The following SLC23A2 variants were observed in gnomAD, a reference collection of about 807,000 sequenced individuals.
SLC23A2 encodes solute carrier family 23 member 2.
A neutral mutation model predicts 73.3 loss-of-function variants in SLC23A2; 36 were observed. The observed-to-expected ratio is 0.49, with a 90% CI of 0.38 to 0.65. SLC23A2 has a LOEUF of 0.65. Among genes scored for constraint, SLC23A2 ranks in the 30% least tolerant of loss-of-function variants. The probability of loss-of-function intolerance (pLI) is 0.00; values close to 1 mark genes in which losing one functional copy is unlikely to be tolerated. For missense variants in SLC23A2, 507 were observed against 841.6 expected, an observed-to-expected ratio of 0.60 and a Z score of 4.92; for synonymous variants, 343 against 327.3, an observed-to-expected ratio of 1.05 and a Z score of -0.52.
At chr20:4,906,616 T>G (rs1302765920) in intron 4 of SLC23A2, among the ~76,000 whole-genome samples, 1 of 152,018 alleles carries the variant, frequency 6.6e-6, no homozygotes, top group Non-Finnish European at 1.5e-5. Flanking sequence ...TGACACTCTG[T>G]CTCAAAAAAA....
chr20:4,901,555 G>A (rs1600114887), intron 5 of SLC23A2, among the ~76,000 whole-genome samples: 1 of 152,180 alleles, frequency 6.6e-6, no homozygotes, highest in East Asian at 1.9e-4. Flanking sequence ...GAAGACAGAG[G>A]AGGGAAGTAT....
chr20:4,954,212 T>A (rs1938106319), intron 2 of SLC23A2, among the ~76,000 whole-genome samples: 2 of 152,232 alleles, frequency 1.3e-5, no homozygotes, highest in South Asian at 4.1e-4. Context: ...TATACAAGCA[T>A]AGGCCCCATG....
intron 13 of SLC23A2, among the ~76,000 whole-genome samples, chr20:4,865,977 C>CAAA (rs1171169988): frequency 6.6e-6 from 1 of 151,984 alleles, no homozygotes; most frequent in Non-Finnish European, 1.5e-5. Context: ...GGACTATGGG[C>CAAA]ACCAGCCACC....
At chr20:4,985,319 G>A (rs755480209) in intron 1 of SLC23A2, among the ~76,000 whole-genome samples, 2 of 151,984 alleles carry the variant, frequency 1.3e-5, no homozygotes, top group Non-Finnish European at 2.9e-5. Flanking sequence ...ACTAATTAAT[G>A]GATAAACAAA....
intron 1 of SLC23A2, among the ~76,000 whole-genome samples, chr20:5,000,403 C>A (rs2088098946): frequency 6.6e-6 from 1 of 152,142 alleles, no homozygotes; most frequent in Non-Finnish European, 1.5e-5. Flanking sequence ...TTAGTGACAG[C>A]TCAAACCAGA....
intron 2 of SLC23A2, among the ~76,000 whole-genome samples, chr20:4,953,874 CAGAG>C (rs1448133169): frequency 6.6e-6 from 1 of 152,060 alleles, no homozygotes; most frequent in Non-Finnish European, 1.5e-5. Flanking sequence ...CAGCGACAGA[CAGAG>C]ACTGTCTCAA....
intron 2 of SLC23A2, among the ~76,000 whole-genome samples, chr20:4,933,149 G>A (rs971526372): frequency 2.6e-5 from 4 of 152,168 alleles, no homozygotes; most frequent in African/African-American, 9.7e-5. Flanking sequence ...AATTTTAATT[G>A]TATCTAATTT....
At chr20:4,886,120 C>T (rs1654226611) in intron 6 of SLC23A2, 1 of 498,604 alleles carries the variant, frequency 2.0e-6, no homozygotes, top group South Asian at 2.3e-5. Context: ...CACTCTCCTC[C>T]CACCCAGGCA....
chr20:4,907,053 T>C (rs1931982817), intron 4 of SLC23A2, among the ~76,000 whole-genome samples: 1 of 152,230 alleles, frequency 6.6e-6, no homozygotes, highest in South Asian at 2.1e-4. Flanking sequence ...TGTTAACTAC[T>C]GCTATCCTCC....
intron 1 of SLC23A2, among the ~76,000 whole-genome samples, chr20:4,974,064 G>A (rs977208726): frequency 1.3e-5 from 2 of 152,162 alleles, no homozygotes; most frequent in African/African-American, 2.4e-5. Flanking sequence ...AAAGCAGGAA[G>A]GAGAGAATGC....
rs1057113315 is a variant in SLC23A2, at chr20:4,961,257, A to G, written c.-155+9536T>C. 4.0e-5 allele frequency among the ~76,000 whole-genome samples: 6 copies of G among 151,726 alleles called. No individual in the cohort carries two copies. The East Asian group carries it at 1.2e-3, about 29-fold the overall frequency. On this transcript the variant is annotated intron_variant, in intron 2 of 16. Transcript: ENST00000338244. ...TCACCATGCCCAGCTAATTTTTTGT[A>G]TTTTTAGTAGAGACGGGGTTTCACC...
chr20:4,875,829 G>A (rs1425999450), intron 9 of SLC23A2, among the ~76,000 whole-genome samples: 2 of 152,226 alleles, frequency 1.3e-5, no homozygotes, highest in Non-Finnish European at 2.9e-5. Flanking sequence ...AGGAAGAGTA[G>A]GTTCTCAGTC....
chr20:4,883,768 C>T lies in SLC23A2; in HGVS notation c.698G>A (p.Gly233Asp). The T allele has an allele frequency of 6.2e-7, 1 of 1,613,692 alleles. No individual in the cohort carries two copies. The highest frequency in any genetic ancestry group is 8.5e-7 in the Non-Finnish European group (1 of 1,179,788). Residue 233 changes from glycine to aspartate, a missense_variant, in exon 9 of 17, where the codon GGC becomes GAC. Gly to Asp is a moderately conservative substitution (Grantham distance 94, BLOSUM62 -1). This residue lies in a region of SLC23A2 where 217 missense variants were observed against 398.0 expected (regional missense o/e 0.55). Coordinates refer to ENST00000338244, the MANE Select transcript of SLC23A2 (RefSeq NM_005116.6). The surrounding 1 kb of genome is among the most constrained non-coding windows in gnomAD (Gnocchi z 4.5). The part of the protein sequence containing the change: ...SLIEVVIGLL[G>D]LPGALLKYIG... Reference sequence around the variant, plus strand: ...GTACTTCAGTAGAGCCCCAGGCAGGCCGAGGAGGCCGATGACTACTTCTAT... The same window carrying T: ...GTACTTCAGTAGAGCCCCAGGCAGGTCGAGGAGGCCGATGACTACTTCTAT...
chr20:4,973,423 G>T (rs2087595646), intron 1 of SLC23A2, among the ~76,000 whole-genome samples: 1 of 151,986 alleles, frequency 6.6e-6, no homozygotes, highest in Non-Finnish European at 1.5e-5. Context: ...ACATGTTTTT[G>T]GAGAGTATTT....
chr20:4,936,353 T>C (rs1012225714), intron 2 of SLC23A2, among the ~76,000 whole-genome samples: 8 of 152,252 alleles, frequency 5.3e-5, no homozygotes, highest in Admixed American at 1.3e-4. Context: ...ACATGCCATA[T>C]AGTCACATTC....
intron 15 of SLC23A2, 29 bp downstream of exon 15, chr20:4,861,919 A>C (rs1568600169): frequency 6.2e-7 from 1 of 1,610,016 alleles, no homozygotes; most frequent in Non-Finnish European, 8.5e-7. Flanking sequence ...TCCAGCTCCC[A>C]CTCCAAGATG....
chr20:4,986,649 T>TAC (rs55738084), intron 1 of SLC23A2, among the ~76,000 whole-genome samples: 22,002 of 129,700 alleles, frequency 0.17, 1,812 homozygotes, highest in East Asian at 0.3. Context: ...CATACACACA[T>TAC]ACACACACAC....
At position 4,899,697 on chromosome 20, in the gene SLC23A2, A is replaced by C; in HGVS notation, c.340T>G (p.Phe114Val). The change falls in exon 6 of 17, where the codon TTC becomes GTC. Residue 114 changes from phenylalanine to valine, a missense_variant. Physicochemically the swap from Phe to Val is conservative, Grantham distance 50. Coordinates refer to ENST00000338244, the MANE Select transcript of SLC23A2 (RefSeq NM_005116.6). This position sits in a 1 kb window ranked among gnomAD's most constrained non-coding sequence, Gnocchi z 4.9. ...FLGLQHYLTC[F>V]SGTIAVPFLL... is the part of the protein sequence containing the mutation. ...AAGGGCACTGCGATCGTGCCGCTGA[A>C]GCATGTCAGGTAGTGCTGTGGGCAG... 6.2e-7 allele frequency: 1 copy of C among 1,614,176 alleles called. No homozygotes were observed. Among genetic ancestry groups the C allele is most frequent in the Non-Finnish European group, 8.5e-7 (1 of 1,180,014 alleles).
intron 2 of SLC23A2, among the ~76,000 whole-genome samples, chr20:4,951,901 G>C: frequency 6.6e-6 from 1 of 151,840 alleles, no homozygotes; most frequent in Non-Finnish European, 1.5e-5. Flanking sequence ...TCAGGAGTTT[G>C]AGACCAGCCT....
Sources: allele counts gnomAD v4.1 joint callset (sites outside exome capture counted in the v4.1 genomes callset), GRCh38; gene constraint gnomAD v4.1.1; regional missense constraint gnomAD v4.1.1; non-coding constraint Gnocchi (gnomAD v3.1); transcripts MANE v1.5; gene names NCBI Gene and HGNC (gene_info 2026-07-23, HGNC 2026-07-21).